DIAPH2: variants seen among roughly 807,000 people sequenced by gnomAD.
DIAPH2 encodes the protein protein diaphanous homolog 2.
A neutral mutation model predicts 92.7 loss-of-function variants in DIAPH2; 35 were observed. The observed-to-expected ratio is 0.38, with a 90% confidence interval of 0.29 to 0.50. The LOEUF (loss-of-function observed/expected upper bound fraction) is 0.50. Among genes scored for constraint, DIAPH2 ranks in the 20% least tolerant of loss-of-function variants. DIAPH2 has a pLI of 0.94. For missense variants in DIAPH2, 701 were observed against 819.5 expected (o/e 0.86, Z 1.77); for synonymous variants, 301 against 280.4 (o/e 1.07, Z -0.73).
chrX:96,862,504 T>A (rs1037452591), intron 4 of DIAPH2, among the ~76,000 whole-genome samples: 2 of 111,845 alleles, frequency 1.8e-5, no homozygotes, highest in Non-Finnish European at 3.8e-5. Flanking sequence ...ACATAGTGTC[T>A]TACATGTAGT....
At chrX:96,902,618 G>A (rs1406327514) in intron 5 of DIAPH2, among the ~76,000 whole-genome samples, 2 of 111,011 alleles carry the variant, frequency 1.8e-5, no homozygotes, top group Non-Finnish European at 3.8e-5. Context: ...GTATGCATGT[G>A]TCAAAACATC....
At chrX:97,237,871 GCGCC>G (rs1437622678) in intron 22 of DIAPH2, among the ~76,000 whole-genome samples, 2 of 112,179 alleles carry the variant, frequency 1.8e-5, no homozygotes, top group Non-Finnish European at 3.8e-5. Flanking sequence ...GTGAGCCACC[GCGCC>G]CGGCCCGCAA....
intron 26 of DIAPH2, among the ~76,000 whole-genome samples, chrX:97,511,050 G>A (rs1486414264): frequency 9.4e-5 from 10 of 106,308 alleles, no homozygotes; most frequent in African/African-American, 3.1e-4. Context: ...TGTGAAGAAA[G>A]TCATTGGTAG....
intron 17 of DIAPH2, among the ~76,000 whole-genome samples, chrX:97,003,788 T>C (rs1322651188): frequency 2.7e-5 from 3 of 111,937 alleles, no homozygotes; most frequent in Non-Finnish European, 3.8e-5. Flanking sequence ...TCATTTGCCT[T>C]GCAGAAGGTT....
chrX:97,290,072 T>TAA (rs2068577257), intron 23 of DIAPH2, among the ~76,000 whole-genome samples: 2 of 69,274 alleles, frequency 2.9e-5, no homozygotes, highest in African/African-American at 4.5e-5. Flanking sequence ...GGCAGTAATT[T>TAA]AAATATATAT....
intron 3 of DIAPH2, among the ~76,000 whole-genome samples, chrX:96,751,538 T>C (rs1218636254): frequency 3.0e-5 from 3 of 99,374 alleles, no homozygotes; most frequent in Non-Finnish European, 6.0e-5. Flanking sequence ...ATCTCGACAC[T>C]GCACTCCAGC....
intron 19 of DIAPH2, among the ~76,000 whole-genome samples, chrX:97,077,110 G>A (rs1285091078): frequency 7.2e-5 from 8 of 111,549 alleles, no homozygotes; most frequent in African/African-American, 2.0e-4. Context: ...CCTAAGTGGC[G>A]AGTAACTTAC....
chrX:97,017,154 C>A (rs1196111585), intron 17 of DIAPH2, among the ~76,000 whole-genome samples: 1 of 111,879 alleles, frequency 8.9e-6, no homozygotes, highest in African/African-American at 3.2e-5. Context: ...TACCAGAAAA[C>A]ATTAACCCTG....
At chrX:97,566,645 TA>T (rs1723730344) in intron 26 of DIAPH2, among the ~76,000 whole-genome samples, 1 of 111,992 alleles carries the variant, frequency 8.9e-6, no homozygotes, top group Admixed American at 9.5e-5. Flanking sequence ...ATGTTACATG[TA>T]AAAAATTTTA....
intron 5 of DIAPH2, among the ~76,000 whole-genome samples, chrX:96,892,048 A>G (rs1360336421): frequency 1.3e-4 from 15 of 112,237 alleles, no homozygotes; most frequent in Non-Finnish European, 2.1e-4. Flanking sequence ...ATGGATCTTG[A>G]CAACAATACA....
Position 97,462,899 on chromosome X carries a change from G to A in DIAPH2, c.3241+33154G>A, listed in dbSNP as rs150392726. 7.4e-3 allele frequency among the ~76,000 whole-genome samples: 818 copies of A among 111,120 alleles called. 7 individuals are homozygous for A. Among genetic ancestry groups the A allele is most frequent in the Non-Finnish European group, 0.012 (642 of 52,998 alleles). ...GCATCTGGGACCTCCCTTCTATGCT[G>A]TTGTGTATGTAATTGCTTTTAATTT... On this transcript the variant is annotated intron_variant, in intron 26 of 26. Transcript: ENST00000324765.
At chrX:97,369,565 T>C (rs1321096944) in intron 24 of DIAPH2, among the ~76,000 whole-genome samples, 1 of 106,617 alleles carries the variant, frequency 9.4e-6, no homozygotes, top group Non-Finnish European at 1.9e-5. Context: ...TTGCTCGGTT[T>C]CCATTCATTT....
chrX:96,697,055 T>C (rs2063829139), intron 1 of DIAPH2, among the ~76,000 whole-genome samples: 1 of 110,295 alleles, frequency 9.1e-6, no homozygotes, highest in Non-Finnish European at 1.9e-5. Flanking sequence ...TTGCTACTTT[T>C]ATAGCATTAA....
At chrX:97,261,063 A>G (rs2068284343) in intron 23 of DIAPH2, among the ~76,000 whole-genome samples, 1 of 112,752 alleles carries the variant, frequency 8.9e-6, no homozygotes, top group African/African-American at 3.2e-5. Flanking sequence ...GGCTTTTTCA[A>G]TACCAAAAGA....
intron 5 of DIAPH2, among the ~76,000 whole-genome samples, chrX:96,910,292 C>T (rs1411087440): frequency 9.0e-6 from 1 of 111,430 alleles, no homozygotes; most frequent in African/African-American, 3.3e-5. Context: ...AGCTTGTTGC[C>T]AATTATCATT....
chrX:97,504,433 A>G (rs2070819264), intron 26 of DIAPH2, among the ~76,000 whole-genome samples: 1 of 112,657 alleles, frequency 8.9e-6, no homozygotes. Context: ...TTTTAAAAGT[A>G]TATATTATGT....
chrX:97,411,085 C>T (rs2069867348), intron 25 of DIAPH2, among the ~76,000 whole-genome samples: 1 of 110,703 alleles, frequency 9.0e-6, no homozygotes, highest in African/African-American at 3.3e-5. Flanking sequence ...AGAAGAGCAA[C>T]CCCAGGACAC....
intron 9 of DIAPH2, among the ~76,000 whole-genome samples, chrX:96,925,987 G>C (rs750170903): frequency 3.5e-4 from 39 of 111,353 alleles, no homozygotes; most frequent in African/African-American, 1.2e-3. Flanking sequence ...AACTCCTGCT[G>C]GGCTAGGATA....
intron 17 of DIAPH2, among the ~76,000 whole-genome samples, chrX:96,977,663 A>T (rs2065970502): frequency 9.0e-6 from 1 of 111,035 alleles, no homozygotes; most frequent in Non-Finnish European, 1.9e-5. Context: ...ATTTGGAATC[A>T]TTATTCTAAG....
Sources: gnomAD v4.1 joint callset for allele counts (sites outside exome capture counted in the v4.1 genomes callset) on GRCh38, gnomAD v4.1.1 for gene constraint, MANE v1.5 for transcripts, NCBI Gene and HGNC (gene_info 2026-07-23, HGNC 2026-07-21) for gene names.